Variants in FAT3 observed in about 807,000 individuals in gnomAD.
The protein encoded by FAT3 is FAT atypical cadherin 3.
FAT3 carries 95 observed loss-of-function variants against 310.2 expected under a neutral mutation model. The observed-to-expected ratio is 0.31, with a 90% CI of 0.26 to 0.36. The LOEUF (loss-of-function observed/expected upper bound fraction) is 0.36, where lower values mean the gene tolerates loss of function less well. FAT3 is among the 10% of genes least tolerant of loss of function. The pLI, the probability that FAT3 is intolerant of heterozygous loss-of-function variation, is 1.00. For synonymous variants in FAT3, 2,314 were observed against 2,192.9 expected (o/e 1.06, Z -1.54); for missense variants, 5,408 against 5,715.6 (o/e 0.95, Z 1.74).
intron 1 of FAT3, among the ~76,000 whole-genome samples, chr11:92,311,312 C>T (rs751268264): frequency 1.3e-5 from 2 of 152,090 alleles, no homozygotes; most frequent in South Asian, 2.1e-4. Flanking sequence ...TTACAAGGAC[C>T]GTTTGGTAGT....
intron 4 of FAT3, among the ~76,000 whole-genome samples, chr11:92,749,850 C>A (rs1403073345): frequency 6.6e-6 from 1 of 152,184 alleles, no homozygotes; most frequent in East Asian, 1.9e-4. Context: ...GGTCCAGTGA[C>A]CTCTCTAGGC....
rs369123825 is a variant in FAT3, at chr11:92,643,639, G to A, written c.3608-53745G>A. Among the ~76,000 whole-genome samples, 38 of 152,300 alleles carry A rather than the reference G, an allele frequency of 2.5e-4. No homozygotes were observed. The South Asian group carries it at 7.5e-3, about 30-fold the overall frequency. The stretch of plus-strand genomic sequence containing the variant: ...AAATATTAAGGTGCTGTTACAAGGA[G>A]ATATATACACTCAGAGATAGATGAA... On this transcript the variant is annotated intron_variant, in intron 3 of 27. Transcript: ENST00000525166.
At chr11:92,590,938 A>G (rs965480976) in intron 3 of FAT3, among the ~76,000 whole-genome samples, 1 of 152,152 alleles carries the variant, frequency 6.6e-6, no homozygotes. Flanking sequence ...AAAATGGATT[A>G]GAAATGGATG....
At chr11:92,691,396 AG>A (rs554631449) in intron 3 of FAT3, among the ~76,000 whole-genome samples, 199 of 152,124 alleles carry the variant, frequency 1.3e-3, no homozygotes, top group African/African-American at 4.6e-3. Flanking sequence ...TTGGTTTACG[AG>A]GTTTCTTTTT....
intron 1 of FAT3, among the ~76,000 whole-genome samples, chr11:92,320,435 G>GA (rs35184633): frequency 0.35 from 53,230 of 150,010 alleles, 12,590 homozygotes; most frequent in African/African-American, 0.68. Context: ...AAGGCCTAAA[G>GA]AAAAAAAAAA....
chr11:92,534,532 A>G (rs982761633), intron 3 of FAT3, among the ~76,000 whole-genome samples: 2 of 152,224 alleles, frequency 1.3e-5, no homozygotes, highest in Admixed American at 6.5e-5. Context: ...TTGTTCCCCA[A>G]AAAGACACAC....
At chr11:92,262,744 T>C (rs2134310839) in intron 1 of FAT3, among the ~76,000 whole-genome samples, 1 of 152,278 alleles carries the variant, frequency 6.6e-6, no homozygotes, top group South Asian at 2.1e-4. Context: ...GGGACTGTGA[T>C]AAGACCAGAG....
intron 4 of FAT3, among the ~76,000 whole-genome samples, chr11:92,699,808 G>T (rs1366184136): frequency 6.6e-6 from 1 of 152,218 alleles, no homozygotes; most frequent in East Asian, 1.9e-4. Flanking sequence ...ATCCAGTCCA[G>T]TGGTGCTAAG....
At chr11:92,644,397 C>T (rs1476677903) in intron 3 of FAT3, among the ~76,000 whole-genome samples, 1 of 152,170 alleles carries the variant, frequency 6.6e-6, no homozygotes, top group African/African-American at 2.4e-5. Context: ...ATATTCCTGA[C>T]TTCCTCACTG....
At chr11:92,450,791 G>T (rs900027547) in intron 2 of FAT3, among the ~76,000 whole-genome samples, 16 of 152,118 alleles carry the variant, frequency 1.1e-4, no homozygotes, top group Non-Finnish European at 1.9e-4. Context: ...TATAGATTAT[G>T]TTCTCTTGAT....
chr11:92,765,250 G>A (rs911626074), intron 6 of FAT3, among the ~76,000 whole-genome samples, 161 bp downstream of exon 6: 1 of 151,902 alleles, frequency 6.6e-6, no homozygotes, highest in Non-Finnish European at 1.5e-5. Flanking sequence ...GTGAATAATC[G>A]ACCTGTGCTT....
At chr11:92,818,494 C>T (rs1947880598) in intron 13 of FAT3, among the ~76,000 whole-genome samples, 1 of 137,182 alleles carries the variant, frequency 7.3e-6, no homozygotes. Flanking sequence ...TCTAAGTAGA[C>T]AGCTTCCTCG....
intron 19 of FAT3, among the ~76,000 whole-genome samples, chr11:92,849,450 C>A (rs890673680): frequency 5.3e-5 from 8 of 152,152 alleles, no homozygotes; most frequent in African/African-American, 1.9e-4. Flanking sequence ...TAGCTGTATC[C>A]CTCAGAGCCA....
At chr11:92,505,360 A>G (rs1953068398) in intron 2 of FAT3, among the ~76,000 whole-genome samples, 1 of 152,074 alleles carries the variant, frequency 6.6e-6, no homozygotes, top group Non-Finnish European at 1.5e-5. Context: ...ACGACTAGAT[A>G]TTACACTTGA....
intron 1 of FAT3, among the ~76,000 whole-genome samples, chr11:92,300,851 C>T (rs1175484561): frequency 6.6e-6 from 1 of 152,110 alleles, no homozygotes; most frequent in Admixed American, 6.6e-5. Context: ...CGGTCTAACA[C>T]ACCTTTATAT....
intron 1 of FAT3, among the ~76,000 whole-genome samples, chr11:92,344,561 G>A (rs1318667908): frequency 6.6e-6 from 1 of 152,136 alleles, no homozygotes; most frequent in African/African-American, 2.4e-5. Flanking sequence ...TAAGTGAAAA[G>A]GTGTAAGTTC....
At chr11:92,254,259 C>T (rs1394647368) in intron 1 of FAT3, among the ~76,000 whole-genome samples, 1 of 152,012 alleles carries the variant, frequency 6.6e-6, no homozygotes, top group African/African-American at 2.4e-5. Context: ...TTCTCCACAC[C>T]CAAATATGGA....
intron 2 of FAT3, among the ~76,000 whole-genome samples, chr11:92,499,944 A>G (rs1045099196): frequency 6.6e-6 from 1 of 151,980 alleles, no homozygotes; most frequent in African/African-American, 2.4e-5. Context: ...TACAAATGTC[A>G]GGGGTCTGAT....
chr11:92,773,589 T>C (rs1450151784), intron 6 of FAT3, among the ~76,000 whole-genome samples: 3 of 152,180 alleles, frequency 2.0e-5, no homozygotes, highest in African/African-American at 7.2e-5. Flanking sequence ...AGCAGCCAAA[T>C]GTTTACCATC....
Sources: allele counts gnomAD v4.1 joint callset (sites outside exome capture counted in the v4.1 genomes callset), GRCh38; gene constraint gnomAD v4.1.1; transcripts MANE v1.5; gene names NCBI Gene and HGNC (gene_info 2026-07-23, HGNC 2026-07-21).